NLGN1: variants seen among roughly 807,000 people sequenced by gnomAD.
The protein encoded by NLGN1 is neuroligin 1.
NLGN1 carries 12 observed loss-of-function variants against 65.5 expected under a neutral mutation model. The observed-to-expected ratio is 0.18, with a 90% confidence interval of 0.12 to 0.30. The LOEUF (loss-of-function observed/expected upper bound fraction) is 0.30. Among genes scored for constraint, NLGN1 ranks in the 10% least tolerant of loss-of-function variants. The pLI, the probability that NLGN1 is intolerant of heterozygous loss-of-function variation, is 1.00. For synonymous variants in NLGN1, 350 were observed against 359.5 expected, an observed-to-expected ratio of 0.97 and a Z score of 0.30; for missense variants, 750 against 1,007.1, an observed-to-expected ratio of 0.74 and a Z score of 3.46.
At chr3:173,621,618 A>G (rs1030813478) in intron 3 of NLGN1, among the ~76,000 whole-genome samples, 2 of 152,100 alleles carry the variant, frequency 1.3e-5, no homozygotes, top group Admixed American at 6.6e-5. Context: ...ATATGGGGTA[A>G]TAGCACTGTA....
At chr3:174,275,932 C>T (rs528757267) in intron 5 of NLGN1, among the ~76,000 whole-genome samples, 2 of 151,850 alleles carry the variant, frequency 1.3e-5, no homozygotes, top group East Asian at 3.9e-4. Context: ...ACATTTTAAA[C>T]CCTTTATTAG....
intron 1 of NLGN1, among the ~76,000 whole-genome samples, chr3:173,430,946 A>C (rs1424148228): frequency 6.6e-6 from 1 of 152,172 alleles, no homozygotes; most frequent in African/African-American, 2.4e-5. Flanking sequence ...CCAGCCTCAG[A>C]TATTTCTTAC....
chr3:173,520,683 A>G (rs568715447), intron 2 of NLGN1, among the ~76,000 whole-genome samples: 18 of 152,338 alleles, frequency 1.2e-4, no homozygotes, highest in Non-Finnish European at 2.6e-4. Flanking sequence ...AGTGACATAT[A>G]ATCTGGCTTG....
chr3:174,027,428 C>CAA (rs1434548675), intron 4 of NLGN1, among the ~76,000 whole-genome samples: 1 of 152,116 alleles, frequency 6.6e-6, no homozygotes, highest in African/African-American at 2.4e-5. Flanking sequence ...AAAAGACTAG[C>CAA]AAGTAGGTTC....
chr3:173,707,024 T>C (rs1162134694), intron 3 of NLGN1, among the ~76,000 whole-genome samples: 1 of 152,224 alleles, frequency 6.6e-6, no homozygotes, highest in South Asian at 2.1e-4. Flanking sequence ...TTATAGAACT[T>C]ATATGGTGCC....
At chr3:173,482,124 G>A (rs1252875116) in intron 2 of NLGN1, among the ~76,000 whole-genome samples, 2 of 151,818 alleles carry the variant, frequency 1.3e-5, no homozygotes, top group African/African-American at 4.8e-5. Context: ...GTTCACTTGG[G>A]TGTAATCAAG....
Position 173,495,157 on chromosome 3 carries a change from C to G in NLGN1, c.-321+60079C>G, listed in dbSNP as rs192589463. ...AGTATAACTATCTATATCTTCTTTA[C>G]TTTCTCTCAGCAATGCTTTTATCAT... is the stretch of plus-strand genomic sequence containing the variant. On this transcript the variant is annotated intron_variant, in intron 2 of 6. Transcript: ENST00000457714. Among the ~76,000 whole-genome samples the G allele has an allele frequency of 3.7e-4, 56 of 151,784 alleles. 3 individuals carry two copies. Among genetic ancestry groups the G allele is most frequent in the African/African-American group, 1.3e-3 (52 of 41,232 alleles).
At chr3:173,700,157 A>G (rs938544822) in intron 3 of NLGN1, among the ~76,000 whole-genome samples, 1 of 152,248 alleles carries the variant, frequency 6.6e-6, no homozygotes, top group Non-Finnish European at 1.5e-5. Flanking sequence ...CCTGGGAAAT[A>G]TACTAAAATA....
intron 2 of NLGN1, among the ~76,000 whole-genome samples, chr3:173,578,574 A>C (rs1386562634): frequency 6.6e-6 from 1 of 152,210 alleles, no homozygotes; most frequent in African/African-American, 2.4e-5. Context: ...TATTCTGCTA[A>C]TACTGGAAAC....
rs150508975 is a variant in NLGN1 at position 174,259,515 on chromosome 3, A to C, written c.647-15800A>C. 6.6e-3 allele frequency among the ~76,000 whole-genome samples: 997 copies of C among 152,168 alleles called. 10 individuals are homozygous for C. The highest frequency in any genetic ancestry group is 0.023 in the African/African-American group (947 of 41,512). ...TTAGCAATTAAAAAAAATCTATTCTAAAGTAATGAATTGCCAGCAAATCAA... is the reference window on the plus strand; with the variant it reads ...TTAGCAATTAAAAAAAATCTATTCTCAAGTAATGAATTGCCAGCAAATCAA... On this transcript the variant is annotated intron_variant, in intron 4 of 6. Coordinates refer to ENST00000457714, the Ensembl canonical transcript of NLGN1.
At chr3:173,680,165 G>T (rs561990425) in intron 3 of NLGN1, among the ~76,000 whole-genome samples, 1 of 152,210 alleles carries the variant, frequency 6.6e-6, no homozygotes, top group South Asian at 2.1e-4. Context: ...AGTTTATTTT[G>T]TTTTGTTTCT....
At chr3:174,174,888 C>T (rs1252869762) in intron 4 of NLGN1, among the ~76,000 whole-genome samples, 1 of 151,798 alleles carries the variant, frequency 6.6e-6, no homozygotes. Context: ...CAATTTCCTT[C>T]TTAATTTCTG....
At chr3:173,478,075 A>G (rs994250940) in intron 2 of NLGN1, among the ~76,000 whole-genome samples, 1 of 152,338 alleles carries the variant, frequency 6.6e-6, no homozygotes, top group East Asian at 1.9e-4. Flanking sequence ...AGGAACATAA[A>G]TCATTCTGTT....
chr3:173,731,446 A>G (rs1217471550), intron 3 of NLGN1, among the ~76,000 whole-genome samples: 1 of 152,104 alleles, frequency 6.6e-6, no homozygotes, highest in Non-Finnish European at 1.5e-5. Context: ...TCCAGGTCCC[A>G]CTAATATTGT....
intron 4 of NLGN1, among the ~76,000 whole-genome samples, chr3:174,138,350 T>G (rs2152684472): frequency 6.6e-6 from 1 of 152,276 alleles, no homozygotes; most frequent in African/African-American, 2.4e-5. Context: ...CTCTCAAGCC[T>G]TCATTTTAGT....
At chr3:173,828,477 A>G (rs143788664) in intron 4 of NLGN1, among the ~76,000 whole-genome samples, 103 of 152,272 alleles carry the variant, frequency 6.8e-4, no homozygotes, top group African/African-American at 2.4e-3. Flanking sequence ...ATATCCTTCT[A>G]TGCTAGATAC....
intron 2 of NLGN1, among the ~76,000 whole-genome samples, chr3:173,547,785 TG>T (rs1740144044): frequency 6.6e-6 from 1 of 152,060 alleles, no homozygotes; most frequent in East Asian, 1.9e-4. Flanking sequence ...AGTACTCTCT[TG>T]GGGTCTATAT....
At chr3:173,597,149 A>T (rs375571990) in intron 2 of NLGN1, among the ~76,000 whole-genome samples, 1 of 152,134 alleles carries the variant, frequency 6.6e-6, no homozygotes, top group South Asian at 2.1e-4. Context: ...TGAGCATAGG[A>T]CTTTATTGAA....
chr3:173,687,495 G>C (rs1177483035), intron 3 of NLGN1, among the ~76,000 whole-genome samples: 1 of 152,164 alleles, frequency 6.6e-6, no homozygotes, highest in African/African-American at 2.4e-5. Flanking sequence ...CAGCCCTGCT[G>C]TCAGTCACCT....
Sources: gnomAD v4.1 joint callset for allele counts (sites outside exome capture counted in the v4.1 genomes callset) on GRCh38, gnomAD v4.1.1 for gene constraint, MANE v1.5 for transcripts, NCBI Gene and HGNC (gene_info 2026-07-23, HGNC 2026-07-21) for gene names.